Variants in OR51B5 observed in about 807,000 individuals in gnomAD.
The protein encoded by OR51B5 is olfactory receptor 51B5.
For missense variants in OR51B5, 456 were observed against 374.6 expected, an observed-to-expected ratio of 1.22 and a Z score of -1.79; for synonymous variants, 186 against 144.8, an observed-to-expected ratio of 1.28 and a Z score of -2.04.
chr11:5,367,467 G>T (rs997348025), intron 1 of OR51B5, among the ~76,000 whole-genome samples: 1 of 152,146 alleles, frequency 6.6e-6, no homozygotes, highest in Non-Finnish European at 1.5e-5. Context: ...TTTTCAGACC[G>T]CTTAGCGTAA....
At chr11:5,474,322 C>T (rs1851271825) in intron 1 of OR51B5, among the ~76,000 whole-genome samples, 1 of 151,938 alleles carries the variant, frequency 6.6e-6, no homozygotes, top group African/African-American at 2.4e-5. Context: ...AACAGATGTA[C>T]TCCCCCCAAC....
intron 1 of OR51B5, among the ~76,000 whole-genome samples, chr11:5,400,228 G>C (rs566637613): frequency 6.6e-6 from 1 of 152,110 alleles, no homozygotes; most frequent in African/African-American, 2.4e-5. Flanking sequence ...ACTATGTTAC[G>C]TTGTATCAGA....
exon 1 of OR51B5, chr11:5,505,569 A>T: frequency 2.0e-6 from 2 of 983,790 alleles, no homozygotes; most frequent in Non-Finnish European, 2.7e-6. Context: ...CCGGACTTAC[A>T]GTTCCACATA....
At chr11:5,385,948 A>ATG (rs1849688540) in intron 1 of OR51B5, among the ~76,000 whole-genome samples, 1 of 149,314 alleles carries the variant, frequency 6.7e-6, no homozygotes, top group African/African-American at 2.4e-5. Context: ...TATGTTCTAT[A>ATG]TATATATCAA....
In OR51B5 at chr11:5,367,966, A is replaced by T. The variant is rs369305293; in HGVS notation, n.85-21056T>A. On this transcript the variant is annotated intron_variant and non_coding_transcript_variant, in intron 1 of 4. Transcript: ENST00000415970. ...CTCAGCAGTTTGTGAGGAATCAGACATTCTTCAAAGTTTCACTTCTACCAG... is the reference window on the plus strand; with the variant it reads ...CTCAGCAGTTTGTGAGGAATCAGACTTTCTTCAAAGTTTCACTTCTACCAG... 1.2e-3 allele frequency among the ~76,000 whole-genome samples: 190 copies of T among 152,320 alleles called. 5 individuals are homozygous for T. The South Asian group carries it at 0.029, about 23-fold the overall frequency.
At chr11:5,383,689 CAG>C (rs1484184823) in intron 1 of OR51B5, 1 of 152,164 alleles carries the variant, frequency 6.6e-6, no homozygotes, top group Non-Finnish European at 1.5e-5. Flanking sequence ...CTTCAGGAGA[CAG>C]GGGTGGAGAT....
intron 1 of OR51B5, chr11:5,403,095 A>C: frequency 2.1e-6 from 1 of 471,560 alleles, no homozygotes; most frequent in Non-Finnish European, 4.4e-6. Context: ...CCATTCTCTT[A>C]TGGCGTCTGC....
intron 1 of OR51B5, among the ~76,000 whole-genome samples, chr11:5,477,852 G>A (rs1323674119): frequency 1.3e-5 from 2 of 152,316 alleles, no homozygotes; most frequent in East Asian, 3.9e-4. Flanking sequence ...ACCTGGCTCG[G>A]AGGGTCCTAC....
intron 1 of OR51B5, among the ~76,000 whole-genome samples, chr11:5,378,854 AC>A (rs1446404848): frequency 6.7e-6 from 1 of 148,924 alleles, no homozygotes; most frequent in Non-Finnish European, 1.5e-5. Flanking sequence ...ACACTTTTAC[AC>A]TCTTGGTGGG....
intron 1 of OR51B5, chr11:5,422,851 G>T (rs745885272): frequency 1.7e-5 from 28 of 1,614,134 alleles, no homozygotes; most frequent in Non-Finnish European, 2.4e-5. Context: ...TGCTCATTGT[G>T]ATCTCCTATA....
chr11:5,415,950 A>G (rs1389231577), intron 1 of OR51B5, among the ~76,000 whole-genome samples: 2 of 146,474 alleles, frequency 1.4e-5, no homozygotes, highest in Non-Finnish European at 3.0e-5. Context: ...TCCTGATACC[A>G]AAGCCGGGCA....
intron 1 of OR51B5, chr11:5,403,681 T>C (rs1850010728): frequency 1.3e-5 from 5 of 371,044 alleles, no homozygotes; most frequent in Non-Finnish European, 2.7e-5. Flanking sequence ...CTCTATAGTC[T>C]GTCCATGAAC....
At chr11:5,498,654 C>T (rs570385628) in intron 1 of OR51B5, among the ~76,000 whole-genome samples, 1 of 152,298 alleles carries the variant, frequency 6.6e-6, no homozygotes, top group East Asian at 1.9e-4. Context: ...TCATTCCCTT[C>T]AGAGTTACAG....
At chr11:5,345,069 T>C (rs1402202749), upstream of OR51B5, among the ~76,000 whole-genome samples, 1 of 152,170 alleles carries the variant, frequency 6.6e-6, no homozygotes, top group African/African-American at 2.4e-5. Context: ...CAATAGATGA[T>C]GTCAAAGAAG....
At chr11:5,468,103 A>C (rs1320434992) in intron 1 of OR51B5, among the ~76,000 whole-genome samples, 1 of 152,224 alleles carries the variant, frequency 6.6e-6, no homozygotes, top group Non-Finnish European at 1.5e-5. Context: ...TTCTGGGTTG[A>C]TATGATCTCA....
intron 1 of OR51B5, chr11:5,362,870 G>C: frequency 1.1e-5 from 2 of 181,586 alleles, no homozygotes; most frequent in Non-Finnish European, 1.2e-5. Flanking sequence ...GTAACAACCA[G>C]GTGGCTTCAC....
At chr11:5,422,589 G>A in intron 1 of OR51B5, 2 of 1,614,082 alleles carry the variant, frequency 1.2e-6, no homozygotes, top group East Asian at 2.2e-5. Context: ...GCCATCTGCT[G>A]TCCCCTCCAT....
chr11:5,343,000 T>G, exon 1 of OR51B5: 4 of 1,613,522 alleles, frequency 2.5e-6, no homozygotes, highest in Non-Finnish European at 3.4e-6. Context: ...GAAGGCAGAA[T>G]GCATGTGAAA....
At position 5,406,755 on chromosome 11, in the gene OR51B5, C is replaced by G. The variant is rs1564803167; in HGVS notation, n.85-59845G>C. ...TTCAAGGCAATGAGGATGTAAAGAT[C>G]AAGATTCCAAAGAGAAGGGAAGCCT... On this transcript the variant is annotated intron_variant and non_coding_transcript_variant, in intron 1 of 4. Coordinates refer to the OR51B5 transcript ENST00000415970. Among the ~76,000 whole-genome samples, 3 of 152,066 alleles carry G rather than the reference C, an allele frequency of 2.0e-5. No individual in the cohort carries two copies. The South Asian group carries it at 6.2e-4, about 31-fold the overall frequency.
Sources: gnomAD v4.1 joint callset for allele counts (sites outside exome capture counted in the v4.1 genomes callset) on GRCh38, gnomAD v4.1.1 for gene constraint, MANE v1.5 for transcripts, NCBI Gene and HGNC (gene_info 2026-07-23, HGNC 2026-07-21) for gene names.